The following ZNF438 variants were observed in gnomAD, a reference collection of about 807,000 sequenced individuals.
ZNF438 encodes zinc finger protein 438.
ZNF438 carries 25 observed loss-of-function variants against 38.0 expected under a neutral mutation model. That is an observed-to-expected ratio of 0.66 (90% CI 0.48 to 0.92). The LOEUF is 0.92. Ranked by LOEUF, ZNF438 falls within the 40% of genes least tolerant of loss-of-function variation. ZNF438 has a pLI of 0.00. For synonymous variants in ZNF438, 372 were observed against 364.1 expected, an observed-to-expected ratio of 1.02 and a Z score of -0.25; for missense variants, 1,007 against 999.6, an observed-to-expected ratio of 1.01 and a Z score of -0.10.
At chr10:30,932,638 C>T (rs2045821326) in intron 2 of ZNF438, among the ~76,000 whole-genome samples, 1 of 152,164 alleles carries the variant, frequency 6.6e-6, no homozygotes, top group Non-Finnish European at 1.5e-5. Context: ...TTAACCATTA[C>T]TCTGCACTCT....
chr10:30,953,678 A>T (rs1390647115), intron 1 of ZNF438, among the ~76,000 whole-genome samples: 1 of 137,836 alleles, frequency 7.3e-6, no homozygotes, highest in Non-Finnish European at 1.6e-5. Context: ...ACAAAAAAAA[A>T]ACAAACATGT....
At chr10:30,914,463 G>A (rs1178790956) in intron 2 of ZNF438, among the ~76,000 whole-genome samples, 1 of 151,842 alleles carries the variant, frequency 6.6e-6, no homozygotes, top group Non-Finnish European at 1.5e-5. Flanking sequence ...ACACACAAAT[G>A]AGTTCGAGAA....
chr10:30,908,166 C>T (rs1245581844), intron 3 of ZNF438, among the ~76,000 whole-genome samples: 1 of 152,138 alleles, frequency 6.6e-6, no homozygotes, highest in Non-Finnish European at 1.5e-5. Flanking sequence ...TTAATTTCTA[C>T]ATATTTGTGC....
chr10:30,962,947 T>C (rs190438734), intron 1 of ZNF438, among the ~76,000 whole-genome samples: 3 of 152,336 alleles, frequency 2.0e-5, no homozygotes, highest in Admixed American at 2.0e-4. Flanking sequence ...AAGTAGATGT[T>C]TGACTCTAAA....
intron 4 of ZNF438, among the ~76,000 whole-genome samples, chr10:30,853,909 T>C (rs2034149662): frequency 6.6e-6 from 1 of 151,526 alleles, no homozygotes; most frequent in African/African-American, 2.4e-5. Flanking sequence ...GCAGGGGAAC[T>C]GCTTAAACCT....
At chr10:31,004,964 G>C (rs148632018) in intron 1 of ZNF438, among the ~76,000 whole-genome samples, 81 of 152,336 alleles carry the variant, frequency 5.3e-4, no homozygotes, top group African/African-American at 1.9e-3. Context: ...GAGATAACAA[G>C]TGTTGGTGAT....
chr10:30,931,312 A>G (rs2045671494), intron 2 of ZNF438, among the ~76,000 whole-genome samples: 4 of 152,216 alleles, frequency 2.6e-5, no homozygotes, highest in Admixed American at 2.6e-4. Flanking sequence ...TTTTTGGCTG[A>G]AACCATGCCT....
chr10:30,880,449 A>G (rs2039085017), intron 3 of ZNF438, among the ~76,000 whole-genome samples: 1 of 146,748 alleles, frequency 6.8e-6, no homozygotes, highest in African/African-American at 2.5e-5. Flanking sequence ...AAAAAAAAAG[A>G]AAAAGAAAAA....
intron 4 of ZNF438, among the ~76,000 whole-genome samples, chr10:30,871,223 C>A (rs938872260): frequency 1.3e-5 from 2 of 152,098 alleles, no homozygotes; most frequent in Non-Finnish European, 2.9e-5. Flanking sequence ...TATTTTCCCC[C>A]CTTTGCTTCT....
At chr10:30,847,998 T>C (rs1042839511) in intron 5 of ZNF438, among the ~76,000 whole-genome samples, 2 of 152,206 alleles carry the variant, frequency 1.3e-5, no homozygotes, top group African/African-American at 4.8e-5. Context: ...AAGGCGCCAC[T>C]GGCCACAGAG....
chr10:30,965,765 G>C (rs966352912), intron 1 of ZNF438, among the ~76,000 whole-genome samples: 2 of 152,300 alleles, frequency 1.3e-5, no homozygotes, highest in East Asian at 1.9e-4. Context: ...AGAGGAAGGA[G>C]AGAGGGAGGA....
intron 3 of ZNF438, among the ~76,000 whole-genome samples, chr10:30,902,851 C>A (rs956291763): frequency 2.0e-5 from 3 of 152,246 alleles, no homozygotes; most frequent in Non-Finnish European, 4.4e-5. Flanking sequence ...AGGCGCCGTG[C>A]AGCAGCGGGT....
At chr10:30,997,495 A>G (rs1015872739) in intron 1 of ZNF438, among the ~76,000 whole-genome samples, 9 of 152,346 alleles carry the variant, frequency 5.9e-5, no homozygotes, top group African/African-American at 2.2e-4. Flanking sequence ...GCTCTAGGCA[A>G]ATAAATTGGC....
intron 1 of ZNF438, among the ~76,000 whole-genome samples, chr10:30,964,104 G>A (rs2049851725): frequency 6.6e-6 from 1 of 152,078 alleles, no homozygotes; most frequent in African/African-American, 2.4e-5. Context: ...AGAAAATAAG[G>A]AACAAATAAG....
At chr10:30,849,337 G>A (rs1249924704) in exon 5 of ZNF438, 1 of 1,614,194 alleles carries the variant, frequency 6.2e-7, no homozygotes, top group Non-Finnish European at 8.5e-7. Context: ...CACTTTCACA[G>A]GCACTCTGCT....
chr10:30,877,885 A>C (rs1264675036), intron 3 of ZNF438, among the ~76,000 whole-genome samples: 2 of 152,268 alleles, frequency 1.3e-5, no homozygotes, highest in African/African-American at 4.8e-5. Context: ...TTTTCTATTT[A>C]AAATTTTAAA....
chr10:30,854,864 A>T (rs7923332), intron 4 of ZNF438, among the ~76,000 whole-genome samples: 58,183 of 152,002 alleles, frequency 0.38, 11,438 homozygotes, highest in Admixed American at 0.41. Flanking sequence ...AATGTCAACA[A>T]GAAGAAAGGC....
At chr10:31,031,453 C>T (rs548729353) in intron 1 of ZNF438, among the ~76,000 whole-genome samples, 1 of 152,324 alleles carries the variant, frequency 6.6e-6, no homozygotes, top group East Asian at 1.9e-4. Context: ...AAGCTTCCAT[C>T]CCCTACTTAA....
At chr10:31,023,541 G>A (rs1357852451) in intron 1 of ZNF438, among the ~76,000 whole-genome samples, 1 of 152,072 alleles carries the variant, frequency 6.6e-6, no homozygotes, top group South Asian at 2.1e-4. Context: ...AGTTTCAGAA[G>A]AAAAGCAAAA....
Sources: gnomAD v4.1 joint callset for allele counts (sites outside exome capture counted in the v4.1 genomes callset) on GRCh38, gnomAD v4.1.1 for gene constraint, MANE v1.5 for transcripts, NCBI Gene and HGNC (gene_info 2026-07-23, HGNC 2026-07-21) for gene names.